RABGAP1L: variants seen among roughly 807,000 people sequenced by gnomAD.
The protein encoded by RABGAP1L is RAB GTPase activating protein 1 like.
Under a neutral mutation model 137.7 loss-of-function variants are expected in RABGAP1L, and 63 were observed. The observed-to-expected ratio is 0.46, with a 90% CI of 0.37 to 0.56. The LOEUF is 0.56. RABGAP1L is among the 20% of genes least tolerant of loss of function. The pLI is 0.00. For missense variants in RABGAP1L, 1,095 were observed against 1,244.0 expected (o/e 0.88, Z 1.80); for synonymous variants, 431 against 433.7 (o/e 0.99, Z 0.08).
At chr1:174,632,914 G>T (rs561149498) in intron 13 of RABGAP1L, among the ~76,000 whole-genome samples, 3 of 151,964 alleles carry the variant, frequency 2.0e-5, no homozygotes, top group South Asian at 2.1e-4. Context: ...TTCTCCATCC[G>T]GCTTTGTTCC....
At chr1:174,635,204 A>AT (rs1673883776) in intron 13 of RABGAP1L, among the ~76,000 whole-genome samples, 2 of 152,222 alleles carry the variant, frequency 1.3e-5, no homozygotes. Flanking sequence ...ATGCATAATC[A>AT]GTTCCTAGGG....
intron 18 of RABGAP1L, among the ~76,000 whole-genome samples, chr1:174,764,569 A>C (rs1348555736): frequency 6.6e-6 from 1 of 152,168 alleles, no homozygotes; most frequent in Non-Finnish European, 1.5e-5. Context: ...TTTCCTAGCC[A>C]AACAACCCTC....
chr1:174,440,859 C>T (rs993546181), intron 13 of RABGAP1L, among the ~76,000 whole-genome samples: 1 of 151,884 alleles, frequency 6.6e-6, no homozygotes, highest in African/African-American at 2.4e-5. Flanking sequence ...TGACTGGTCT[C>T]TATTTGTTTA....
At chr1:174,889,714 A>G (rs191921044) in intron 19 of RABGAP1L, among the ~76,000 whole-genome samples, 2 of 151,906 alleles carry the variant, frequency 1.3e-5, no homozygotes, top group East Asian at 3.9e-4. Context: ...TGCAGGCATG[A>G]ACCACTGTGA....
In RABGAP1L at chr1:174,642,766, T is replaced by TCTCC. The variant is rs1557941734; in HGVS notation, c.1824+5279_1824+5280insTCCC. ...CCCCCTCTCCCCTTCTTCCCCTCTC[T>TCTCC]CCCTCTCCCCCTCTCCTCTCCTCTT... On this transcript the variant is annotated intron_variant, in intron 14 of 25. Coordinates refer to ENST00000681986, the MANE Select transcript of RABGAP1L (RefSeq NM_001366446.1). 4.6e-4 allele frequency among the ~76,000 whole-genome samples: 53 copies of TCTCC among 115,542 alleles called. 2 individuals are homozygous for TCTCC. Among genetic ancestry groups the TCTCC allele is most frequent in the African/African-American group, 1.6e-3 (50 of 30,696 alleles). The allele number at this position is 115,542 out of a possible 152,430, so 75.8% of individuals were successfully genotyped here.
At chr1:174,773,612 A>G (rs1457599800) in intron 18 of RABGAP1L, among the ~76,000 whole-genome samples, 1 of 152,232 alleles carries the variant, frequency 6.6e-6, no homozygotes, top group African/African-American at 2.4e-5. Context: ...ATAGGATAGA[A>G]GCAGAGCCAG....
At chr1:174,914,191 T>C (rs1033585380) in intron 19 of RABGAP1L, among the ~76,000 whole-genome samples, 29 of 152,194 alleles carry the variant, frequency 1.9e-4, no homozygotes, top group African/African-American at 6.8e-4. Flanking sequence ...CAGTCTAGGA[T>C]TGAGAGGTCC....
At chr1:174,478,628 A>G (rs1043346314) in intron 13 of RABGAP1L, among the ~76,000 whole-genome samples, 7 of 152,108 alleles carry the variant, frequency 4.6e-5, no homozygotes, top group Non-Finnish European at 8.8e-5. Flanking sequence ...ACGAAACTAT[A>G]TCCCAACCTC....
chr1:174,359,403 A>C (rs1474584445), intron 11 of RABGAP1L, among the ~76,000 whole-genome samples: 1 of 152,164 alleles, frequency 6.6e-6, no homozygotes. Context: ...TTCTTCAGAG[A>C]GGAAGATAGA....
At chr1:174,509,114 G>A (rs977623202) in intron 13 of RABGAP1L, among the ~76,000 whole-genome samples, 5 of 152,132 alleles carry the variant, frequency 3.3e-5, no homozygotes, top group Admixed American at 6.5e-5. Context: ...CAATGTTGGA[G>A]TAAGGTAATT....
At chr1:174,614,101 T>C (rs997497812) in intron 13 of RABGAP1L, among the ~76,000 whole-genome samples, 15 of 152,182 alleles carry the variant, frequency 9.9e-5, no homozygotes, top group African/African-American at 2.9e-4. Context: ...CCTGTCATTA[T>C]GATGTTAGCT....
chr1:174,287,758 G>A (rs1676197047), intron 10 of RABGAP1L, among the ~76,000 whole-genome samples: 1 of 152,118 alleles, frequency 6.6e-6, no homozygotes, highest in African/African-American at 2.4e-5. Context: ...CTCCCAAAGT[G>A]CTGAGATTAC....
intron 13 of RABGAP1L, among the ~76,000 whole-genome samples, chr1:174,402,748 G>A (rs142714518): frequency 2.2e-3 from 333 of 152,264 alleles, no homozygotes; most frequent in African/African-American, 7.6e-3. Flanking sequence ...TCATGACCTT[G>A]TTCCTGTGTA....
rs1685106322 is a variant in RABGAP1L, at chr1:174,371,460, G to A, written c.1559+388G>A. Among the ~76,000 whole-genome samples the A allele has an allele frequency of 4.6e-5, 7 of 151,920 alleles. No individual in the cohort carries two copies. In the South Asian group the frequency reaches 1.5e-3, roughly 31 times the overall value. On this transcript the variant is annotated intron_variant, in intron 12 of 25. Transcript: ENST00000681986. Reference sequence around the variant, plus strand: ...ACCAAGTCTATTACCACTAAAATGGGCTGTATAGTTTAGAATTTCTCATTT... The same window carrying A: ...ACCAAGTCTATTACCACTAAAATGGACTGTATAGTTTAGAATTTCTCATTT...
chr1:174,780,605 C>A (rs1311152792), intron 18 of RABGAP1L, among the ~76,000 whole-genome samples: 2 of 151,948 alleles, frequency 1.3e-5, no homozygotes, highest in Non-Finnish European at 2.9e-5. Context: ...TTCTAGGGTA[C>A]ATGTGCACAA....
intron 19 of RABGAP1L, among the ~76,000 whole-genome samples, chr1:174,812,660 G>A (rs994969704): frequency 7.2e-5 from 11 of 152,046 alleles, no homozygotes; most frequent in African/African-American, 2.4e-4. Context: ...CATTCTTGCA[G>A]AAGGAAACAG....
intron 13 of RABGAP1L, among the ~76,000 whole-genome samples, chr1:174,527,901 C>CTTTTTTTTTTTTTTTTTTTTTCTT (rs57707616): frequency 8.0e-6 from 1 of 124,850 alleles, no homozygotes; most frequent in Non-Finnish European, 1.6e-5. Flanking sequence ...ATATACTTGT[C>CTTTTTTTTTTTTTTTTTTTTTCTT]TTTTTTTTTT....
intron 11 of RABGAP1L, among the ~76,000 whole-genome samples, chr1:174,313,732 G>A (rs776847499): frequency 6.6e-6 from 1 of 152,040 alleles, no homozygotes; most frequent in Non-Finnish European, 1.5e-5. Flanking sequence ...AAGGGATGTG[G>A]AATTTTATCA....
At chr1:174,839,446 G>C (rs1375196248) in intron 19 of RABGAP1L, among the ~76,000 whole-genome samples, 1 of 152,144 alleles carries the variant, frequency 6.6e-6, no homozygotes, top group Non-Finnish European at 1.5e-5. Flanking sequence ...TATTATTTTA[G>C]CTCTGTAACC....
Sources: allele counts gnomAD v4.1 joint callset (sites outside exome capture counted in the v4.1 genomes callset), GRCh38; gene constraint gnomAD v4.1.1; transcripts MANE v1.5; gene names NCBI Gene and HGNC (gene_info 2026-07-23, HGNC 2026-07-21).